Variants in AADAT observed in about 807,000 individuals in gnomAD.
AADAT encodes the protein kynurenine/alpha-aminoadipate aminotransferase, mitochondrial.
In AADAT, 25 loss-of-function variants were observed where a neutral mutation model predicts 56.2. The ratio of observed to expected loss-of-function variants is 0.44; its 90% CI spans 0.32 to 0.62. The LOEUF is 0.62. AADAT is among the 20% of genes least tolerant of loss of function. The probability of loss-of-function intolerance (pLI) is 0.04; values close to 1 mark genes in which losing one functional copy is unlikely to be tolerated. For synonymous variants in AADAT, 173 were observed against 164.7 expected (o/e 1.05, Z -0.39); for missense variants, 387 against 510.5 (o/e 0.76, Z 2.33).
At chr4:170,093,611 A>T (rs916773709), upstream of AADAT, among the ~76,000 whole-genome samples, 4 of 152,144 alleles carry the variant, frequency 2.6e-5, no homozygotes, top group South Asian at 6.2e-4. Context: ...TGAGAGGCAG[A>T]GTGTCTAGAG....
Position 170,086,039 on chromosome 4 carries a change from T to C in AADAT, c.369+1077A>G, listed in dbSNP as rs542672743. Reference sequence around the variant, plus strand: ...CTTTGGGAGGCCAAGGTGGACAGACTGCTTGAGCCCATGAGCTCAAGACCA... The same window carrying C: ...CTTTGGGAGGCCAAGGTGGACAGACCGCTTGAGCCCATGAGCTCAAGACCA... On this transcript the variant is annotated intron_variant, in intron 3 of 12. Coordinates refer to ENST00000337664, the MANE Select transcript of AADAT (RefSeq NM_016228.4). Among the ~76,000 whole-genome samples the C allele has an allele frequency of 8.6e-5, 13 of 151,608 alleles. 1 individual carries two copies. The East Asian group carries it at 2.5e-3, about 29-fold the overall frequency.
At chr4:170,079,378 G>T (rs1199082492) in intron 3 of AADAT, among the ~76,000 whole-genome samples, 1 of 152,216 alleles carries the variant, frequency 6.6e-6, no homozygotes, top group Non-Finnish European at 1.5e-5. Flanking sequence ...AGGGAGGCAA[G>T]TAAGGATTTT....
chr4:170,076,939 G>A (rs1732066038), intron 4 of AADAT, among the ~76,000 whole-genome samples: 1 of 152,142 alleles, frequency 6.6e-6, no homozygotes, highest in Admixed American at 6.5e-5. Context: ...AAATCCAGTT[G>A]TCCCAGCACC....
intron 7 of AADAT, 87 bp downstream of exon 7, chr4:170,069,061 G>A (rs1438393174): frequency 6.0e-6 from 7 of 1,168,866 alleles, no homozygotes; most frequent in Non-Finnish European, 8.4e-6. Flanking sequence ...CATTTTAAGT[G>A]AAAAAAATTG....
At chr4:170,081,125 C>A (rs115835365) in intron 3 of AADAT, among the ~76,000 whole-genome samples, 3,273 of 152,074 alleles carry the variant, frequency 0.022, 127 homozygotes, top group African/African-American at 0.075. Context: ...TAACAAAAAA[C>A]CCCAGAAATT....
upstream of AADAT, among the ~76,000 whole-genome samples, chr4:170,091,384 CG>C: frequency 6.6e-6 from 1 of 152,304 alleles, no homozygotes; most frequent in African/African-American, 2.4e-5. Flanking sequence ...CCAGCAGCTG[CG>C]GAGGGTGTGC....
chr4:170,060,974 A>G lies in AADAT; in HGVS notation c.1237-5T>C, dbSNP rs1731161269. The G allele has an allele frequency of 2.0e-6, 3 of 1,497,318 alleles. No individual in the cohort carries two copies. The highest frequency in any genetic ancestry group is 2.7e-6 in the Non-Finnish European group (3 of 1,114,164). The allele number at this position is 1,497,318 out of a possible 1,614,324, so 92.8% of individuals were successfully genotyped here. ...TTGTGCTAATACCTGGAAGGCCTAA[A>G]ACAGAAAAAAAAAATTAGAATTAAT... On this transcript the variant is annotated splice_region_variant and splice_polypyrimidine_tract_variant and intron_variant, in intron 12 of 12. Coordinates refer to ENST00000337664, the MANE Select transcript of AADAT (RefSeq NM_016228.4).
At chr4:170,088,742 A>G (rs1732687421) in intron 1 of AADAT, among the ~76,000 whole-genome samples, 178 bp from the exon 2 acceptor site, 1 of 152,166 alleles carries the variant, frequency 6.6e-6, no homozygotes, top group Non-Finnish European at 1.5e-5. Flanking sequence ...TACTAATGTG[A>G]TAGTTTTAAC....
chr4:170,091,275 C>A (rs2111226544), upstream of AADAT, among the ~76,000 whole-genome samples: 1 of 152,286 alleles, frequency 6.6e-6, no homozygotes, highest in Non-Finnish European at 1.5e-5. Context: ...CGCTTGCGAG[C>A]CAGCTAGAGT....
At chr4:170,073,488 G>C (rs1731874010) in intron 4 of AADAT, 143 bp from the exon 5 acceptor site, 1 of 689,946 alleles carries the variant, frequency 1.4e-6, no homozygotes, top group Admixed American at 3.1e-5. Context: ...GAGCTCCTGA[G>C]GGTTGAGGTT....
intron 3 of AADAT, 152 bp downstream of exon 3, chr4:170,086,964 G>C (rs1732593274): frequency 1.3e-6 from 1 of 795,062 alleles, no homozygotes; most frequent in African/African-American, 1.8e-5. Flanking sequence ...CCTATGACTT[G>C]TCTTTTAGTT....
In AADAT at chr4:170,078,560, A is replaced by G; in HGVS notation, c.393T>C (p.Pro131=). ...LCKVFEMIIN[P]GDNVLLDEPA... ...GTTCATCTAGGAGGACATTATCTCC[A>G]GGATTAATGATCATTTCAAACACCT... Residue 131 remains proline (P), a synonymous_variant, in exon 4 of 13, where the codon CCT becomes CCC. Coordinates refer to ENST00000337664, the MANE Select transcript of AADAT (RefSeq NM_016228.4). 1 of 1,607,864 alleles carries G rather than the reference A, an allele frequency of 6.2e-7. No homozygotes were observed. Among genetic ancestry groups the G allele is most frequent in the Non-Finnish European group, 8.5e-7 (1 of 1,176,552 alleles).
intron 10 of AADAT, 127 bp from the exon 11 acceptor site, chr4:170,064,952 A>C: frequency 1.4e-6 from 1 of 692,710 alleles, no homozygotes; most frequent in Non-Finnish European, 2.3e-6. Flanking sequence ...TCCTTCAATT[A>C]TAGCATTTTT....
At chr4:170,062,069 A>C (rs2111132590) in intron 11 of AADAT, 76 bp from the exon 12 acceptor site, 15 of 887,578 alleles carry the variant, frequency 1.7e-5, no homozygotes, top group Non-Finnish European at 2.4e-5. Flanking sequence ...GCCTAATCTC[A>C]GAGTAGGGAA....
upstream of AADAT, among the ~76,000 whole-genome samples, chr4:170,092,401 C>G (rs1171287126): frequency 6.6e-6 from 1 of 152,254 alleles, no homozygotes; most frequent in African/African-American, 2.4e-5. Context: ...AAGTCTGCAG[C>G]TTCACGCCAG....
chr4:170,064,213 C>T (rs1229589084), intron 11 of AADAT, among the ~76,000 whole-genome samples: 1 of 152,164 alleles, frequency 6.6e-6, no homozygotes, highest in Non-Finnish European at 1.5e-5. Flanking sequence ...ACTTTATCTC[C>T]ATCATCAGAA....
chr4:170,089,578 G>C (rs1431688813), intron 1 of AADAT, 46 bp downstream of exon 1: 3 of 1,609,370 alleles, frequency 1.9e-6, no homozygotes, highest in South Asian at 2.2e-5. Flanking sequence ...GAGGCTGTGC[G>C]AGGAATGCCC....
At chr4:170,092,605 C>CTTT (rs1419813277), upstream of AADAT, among the ~76,000 whole-genome samples, 8 of 152,166 alleles carry the variant, frequency 5.3e-5, no homozygotes, top group African/African-American at 1.9e-4. Context: ...CTGTTAGAAA[C>CTTT]CCACGAGGCA....
chr4:170,091,196 G>C (rs1413079823), upstream of AADAT, among the ~76,000 whole-genome samples: 3 of 152,216 alleles, frequency 2.0e-5, no homozygotes, highest in Admixed American at 2.0e-4. Context: ...GCGGAGGCCG[G>C]AGCCGGCTCC....
Sources: allele counts gnomAD v4.1 joint callset (sites outside exome capture counted in the v4.1 genomes callset), GRCh38; gene constraint gnomAD v4.1.1; transcripts MANE v1.5; gene names NCBI Gene and HGNC (gene_info 2026-07-23, HGNC 2026-07-21).